Variants in SND1 observed in about 807,000 individuals in gnomAD.
SND1 encodes the protein staphylococcal nuclease and tudor domain containing 1, also known as staphylococcal nuclease domain-containing protein 1.
SND1 carries 38 observed loss-of-function variants against 121.7 expected under a neutral mutation model. The ratio of observed to expected loss-of-function variants is 0.31; its 90% CI spans 0.24 to 0.41. The LOEUF is 0.41. Ranked by LOEUF, SND1 falls within the 10% of genes least tolerant of loss-of-function variation. The pLI, the probability that SND1 is intolerant of heterozygous loss-of-function variation, is 1.00. For synonymous variants in SND1, 401 were observed against 447.4 expected (o/e 0.90, Z 1.31); for missense variants, 868 against 1,184.6 (o/e 0.73, Z 3.92).
intron 18 of SND1, among the ~76,000 whole-genome samples, chr7:128,083,841 G>A (rs534719285): frequency 1.1e-4 from 16 of 152,300 alleles, no homozygotes; most frequent in Admixed American, 9.1e-4. Flanking sequence ...AGGGCCAGAA[G>A]GGACTGATGC....
chr7:127,890,781 T>C (rs1434299730), intron 13 of SND1, among the ~76,000 whole-genome samples: 4 of 152,184 alleles, frequency 2.6e-5, no homozygotes, highest in Admixed American at 6.6e-5. Context: ...ACAGCCTTTT[T>C]AGTCTAGTGC....
chr7:127,741,922 CATTGTTCTCA>C (rs1187800701), intron 10 of SND1, among the ~76,000 whole-genome samples: 1 of 152,228 alleles, frequency 6.6e-6, no homozygotes, highest in East Asian at 1.9e-4. Context: ...GGCTCTGTTA[CATTGTTCTCA>C]ATTGTTCTCA....
chr7:127,720,578 G>A lies in SND1; in HGVS notation c.1039-709G>A, dbSNP rs146911749. On this transcript the variant is annotated intron_variant, in intron 9 of 23. Transcript: ENST00000354725. The stretch of plus-strand genomic sequence containing the variant: ...AGGAGTATTTATGCTTTTGTCCTTT[G>A]ACTACATACCCTTGTAATTTATCCC... 4.8e-3 allele frequency among the ~76,000 whole-genome samples: 726 copies of A among 152,264 alleles called. 11 individuals are homozygous for A. The highest frequency in any genetic ancestry group is 0.045 in the East Asian group (235 of 5,180).
intron 11 of SND1, among the ~76,000 whole-genome samples, chr7:127,808,749 A>G (rs910102214): frequency 1.3e-5 from 2 of 152,218 alleles, no homozygotes; most frequent in African/African-American, 4.8e-5. Context: ...GAGGTGGAGT[A>G]CGAATGATGG....
intron 15 of SND1, among the ~76,000 whole-genome samples, chr7:127,951,024 T>A (rs1073155): frequency 0.06 from 9,122 of 152,142 alleles, 794 homozygotes; most frequent in African/African-American, 0.19. Context: ...TCAAAAAAAA[T>A]TTAAATATAA....
chr7:127,895,077 A>G (rs114079003), intron 13 of SND1, among the ~76,000 whole-genome samples: 1 of 151,526 alleles, frequency 6.6e-6, no homozygotes, highest in South Asian at 2.1e-4. Context: ...TCTCATTTCT[A>G]TTAAATTGTC....
chr7:127,883,055 C>T, intron 12 of SND1, among the ~76,000 whole-genome samples: 1 of 152,158 alleles, frequency 6.6e-6, no homozygotes, highest in East Asian at 1.9e-4. Flanking sequence ...TAAAAGTCAA[C>T]AGTTTCCATT....
At chr7:127,692,447 T>G (rs188220572) in intron 2 of SND1, 1 of 152,248 alleles carries the variant, frequency 6.6e-6, no homozygotes, top group Admixed American at 6.5e-5. Context: ...AATAAATGCT[T>G]TGAGCAAATT....
At chr7:128,021,885 A>AT (rs1411949702) in intron 16 of SND1, among the ~76,000 whole-genome samples, 4 of 152,058 alleles carry the variant, frequency 2.6e-5, no homozygotes, top group African/African-American at 7.2e-5. Context: ...ATTGAAGGGT[A>AT]TTTTTTTATT....
chr7:127,855,334 A>T (rs942609879), intron 12 of SND1, among the ~76,000 whole-genome samples: 1 of 151,430 alleles, frequency 6.6e-6, no homozygotes, highest in Non-Finnish European at 1.5e-5. Flanking sequence ...CTGGTCTCGA[A>T]CTCCTGGGCT....
intron 12 of SND1, among the ~76,000 whole-genome samples, chr7:127,852,003 C>CA (rs1173644318): frequency 6.6e-6 from 1 of 151,482 alleles, no homozygotes; most frequent in South Asian, 2.1e-4. Flanking sequence ...ATTAAAAATG[C>CA]AAAAAAATTA....
chr7:127,999,149 G>T (rs1802754676), intron 16 of SND1: 1 of 152,204 alleles, frequency 6.6e-6, no homozygotes, highest in Admixed American at 6.5e-5. Context: ...CCTATCCCAG[G>T]ATGGCTGTTG....
At chr7:127,977,680 G>C (rs1802154217) in intron 15 of SND1, among the ~76,000 whole-genome samples, 2 of 152,174 alleles carry the variant, frequency 1.3e-5, no homozygotes, top group Non-Finnish European at 2.9e-5. Flanking sequence ...TAAAGAATAA[G>C]TATAGGGAAA....
chr7:127,669,953 G>A (rs1795485917), intron 1 of SND1, among the ~76,000 whole-genome samples: 1 of 151,836 alleles, frequency 6.6e-6, no homozygotes, highest in Admixed American at 6.6e-5. Flanking sequence ...AGTTTAGACT[G>A]GAGGACTTAG....
chr7:128,041,450 T>G (rs1258347065), intron 16 of SND1, among the ~76,000 whole-genome samples: 1 of 152,174 alleles, frequency 6.6e-6, no homozygotes, highest in Non-Finnish European at 1.5e-5. Flanking sequence ...TATTATGACT[T>G]GAGCTTCTTC....
intron 15 of SND1, among the ~76,000 whole-genome samples, chr7:127,976,001 T>C (rs146111267): frequency 6.6e-6 from 1 of 152,332 alleles, no homozygotes; most frequent in African/African-American, 2.4e-5. Flanking sequence ...CCCTCAGAGA[T>C]GGCCACTGTG....
chr7:128,078,806 T>C (rs892529041), intron 17 of SND1, among the ~76,000 whole-genome samples: 1 of 152,146 alleles, frequency 6.6e-6, no homozygotes, highest in Non-Finnish European at 1.5e-5. Context: ...ATGGGAGCCC[T>C]CAACAGCTTG....
chr7:127,666,573 A>G (rs1417517637), intron 1 of SND1, among the ~76,000 whole-genome samples: 3 of 152,074 alleles, frequency 2.0e-5, no homozygotes, highest in Non-Finnish European at 2.9e-5. Flanking sequence ...TTTGTTATTC[A>G]TTGGAGAGAG....
Position 127,778,235 on chromosome 7 carries a change from G to A in SND1, c.1153-29249G>A, listed in dbSNP as rs1364573412. Among the ~76,000 whole-genome samples the A allele has an allele frequency of 5.4e-5, 8 of 147,950 alleles. No individual in the cohort carries two copies. In the East Asian group the frequency reaches 6.1e-4, roughly 11 times the overall value. ...TTTTGAGACGGAGTCTCGCTCTGTC[G>A]CCAGGCTGGAGTGCAGTGGTGTGAT... On this transcript the variant is annotated intron_variant, in intron 10 of 23. Transcript: ENST00000354725.
Sources: gnomAD v4.1 joint callset for allele counts (sites outside exome capture counted in the v4.1 genomes callset) on GRCh38, gnomAD v4.1.1 for gene constraint, MANE v1.5 for transcripts, NCBI Gene and HGNC (gene_info 2026-07-23, HGNC 2026-07-21) for gene names.